SRGAP3: variants seen among roughly 807,000 people sequenced by gnomAD.
SRGAP3 encodes the protein SLIT-ROBO Rho GTPase activating protein 3, also known as SLIT-ROBO Rho GTPase-activating protein 3.
A neutral mutation model predicts 121.1 loss-of-function variants in SRGAP3; 39 were observed. That is an observed-to-expected ratio of 0.32 (90% CI 0.25 to 0.42). SRGAP3 has a LOEUF of 0.42. Ranked by LOEUF, SRGAP3 falls within the 10% of genes least tolerant of loss-of-function variation. The pLI is 1.00. For missense variants in SRGAP3, 1,213 were observed against 1,470.6 expected, an observed-to-expected ratio of 0.82 and a Z score of 2.86; for synonymous variants, 601 against 570.0, an observed-to-expected ratio of 1.05 and a Z score of -0.77.
chr3:9,335,898 T>G (rs17050248), intron 1 of SRGAP3, among the ~76,000 whole-genome samples: 1 of 152,152 alleles, frequency 6.6e-6, no homozygotes, highest in Admixed American at 6.5e-5. Flanking sequence ...CTCTTGCTTA[T>G]CCAGCCTTTA....
chr3:9,007,802 C>T (rs1172539027), intron 18 of SRGAP3: 2 of 152,174 alleles, frequency 1.3e-5, no homozygotes, highest in Non-Finnish European at 2.9e-5. Context: ...TAAGGACTCC[C>T]TCTGTGCTTC....
intron 3 of SRGAP3, among the ~76,000 whole-genome samples, chr3:9,288,132 T>TG (rs1242492283): frequency 2.7e-5 from 4 of 146,432 alleles, no homozygotes; most frequent in Non-Finnish European, 6.0e-5. Context: ...CTATCTTTGT[T>TG]TTTTTTTTTT....
chr3:9,358,233 C>T (rs983334591), intron 1 of SRGAP3, among the ~76,000 whole-genome samples: 58 of 152,042 alleles, frequency 3.8e-4, no homozygotes, highest in African/African-American at 1.4e-3. Flanking sequence ...CTATCACCTG[C>T]CAACCCCCTA....
At chr3:9,362,162 C>CTTTTTT (rs36036357) in intron 1 of SRGAP3, among the ~76,000 whole-genome samples, 1 of 90,930 alleles carries the variant, frequency 1.1e-5, no homozygotes, top group African/African-American at 4.8e-5. Flanking sequence ...AGGTTCAACT[C>CTTTTTT]TTTTTTTTTT....
intron 3 of SRGAP3, among the ~76,000 whole-genome samples, chr3:9,298,500 T>C (rs1429288955): frequency 2.6e-5 from 4 of 152,196 alleles, no homozygotes; most frequent in African/African-American, 9.6e-5. Context: ...TATCCAAAGA[T>C]GGCCAAACAA....
chr3:9,037,686 G>A (rs1271060052), intron 11 of SRGAP3: 4 of 327,838 alleles, frequency 1.2e-5, no homozygotes, highest in Non-Finnish European at 2.3e-5. Flanking sequence ...AGTTTGCTCA[G>A]CATGGTGTAG....
At chr3:9,033,637 C>T (rs1159168617) in intron 11 of SRGAP3, 1 of 152,288 alleles carries the variant, frequency 6.6e-6, no homozygotes, top group Non-Finnish European at 1.5e-5. Flanking sequence ...GTTGGCCAGG[C>T]TGGTCTTGAA....
intron 3 of SRGAP3, among the ~76,000 whole-genome samples, chr3:9,101,862 AAAGC>A (rs2124902756): frequency 6.6e-6 from 1 of 152,010 alleles, no homozygotes; most frequent in South Asian, 2.1e-4. Flanking sequence ...TCTCACACTT[AAAGC>A]AAGGGCCACG....
At chr3:9,247,899 T>C (rs1953879152) in intron 1 of SRGAP3, among the ~76,000 whole-genome samples, 1 of 152,212 alleles carries the variant, frequency 6.6e-6, no homozygotes, top group South Asian at 2.1e-4. Flanking sequence ...TTTTAGATTT[T>C]CCTTGCCAAA....
upstream of SRGAP3, among the ~76,000 whole-genome samples, chr3:9,254,178 C>G (rs549734675): frequency 6.6e-6 from 1 of 152,070 alleles, no homozygotes; most frequent in Non-Finnish European, 1.5e-5. Flanking sequence ...TTCACAACAA[C>G]CAAAAGATAG....
At chr3:9,324,322 CA>C (rs1955481071) in intron 3 of SRGAP3, among the ~76,000 whole-genome samples, 1 of 151,844 alleles carries the variant, frequency 6.6e-6, no homozygotes, top group Non-Finnish European at 1.5e-5. Flanking sequence ...GTCATTTTCT[CA>C]ATTTTGAGAG....
chr3:9,141,228 G>A (rs1418993105), intron 1 of SRGAP3, among the ~76,000 whole-genome samples: 1 of 152,130 alleles, frequency 6.6e-6, no homozygotes, highest in African/African-American at 2.4e-5. Context: ...TGACCAGCCA[G>A]GGACAGAGCC....
intron 10 of SRGAP3, among the ~76,000 whole-genome samples, chr3:9,043,214 C>T (rs955925604): frequency 3.9e-5 from 6 of 152,284 alleles, no homozygotes; most frequent in South Asian, 4.1e-4. Context: ...AAAGCAGTGG[C>T]GTGATCTTGG....
At position 8,990,804 on chromosome 3, in the gene SRGAP3, C is replaced by G. The variant is rs1294333224; in HGVS notation, c.2594G>C (p.Arg865Thr). ...RLRSDGAAIP[R>T]RRSGGDTHSP... ...GTGTGTGTCGCCCCCGCTTCGGCGT[C>G]TGGGGATGGCTGCTCCATCAGATCG... The change falls in exon 21 of 22, where the codon AGA becomes ACA. Residue 865 changes from arginine to threonine, a missense_variant. Arg to Thr is a moderately conservative substitution (Grantham distance 71). Coordinates refer to ENST00000383836, the MANE Select transcript of SRGAP3 (RefSeq NM_014850.4). 6.3e-7 allele frequency: 1 copy of G among 1,577,666 alleles called. No homozygotes were observed. Among genetic ancestry groups the G allele is most frequent in the East Asian group, 2.3e-5 (1 of 44,316 alleles).
rs987469080 is a variant in SRGAP3, at chr3:9,325,552, T to C, written n.442+458A>G. On this transcript the variant is annotated intron_variant and non_coding_transcript_variant, in intron 3 of 3. Transcript: ENST00000490889. ...AAAGTAGAATTTGCTGTGGAGGCTA[T>C]TATGAAGGAGACATTTCTAATTATT... is the stretch of plus-strand genomic sequence containing the variant. Among the ~76,000 whole-genome samples, 17 of 151,960 alleles carry C rather than the reference T, an allele frequency of 1.1e-4. 2 individuals are homozygous for C. Among genetic ancestry groups the C allele is most frequent in the Non-Finnish European group, 2.5e-4 (17 of 68,006 alleles).
intron 1 of SRGAP3, among the ~76,000 whole-genome samples, chr3:9,347,268 CG>C (rs1955907848): frequency 1.3e-5 from 2 of 152,130 alleles, no homozygotes; most frequent in Non-Finnish European, 2.9e-5. Context: ...CGGATTTAGG[CG>C]AGAGATTCAG....
intron 21 of SRGAP3, among the ~76,000 whole-genome samples, chr3:8,989,275 G>C (rs192128712): frequency 1.4e-4 from 21 of 152,332 alleles, no homozygotes; most frequent in Non-Finnish European, 2.8e-4. Context: ...TGGGTGCTAG[G>C]GTGATGTTTC....
intron 3 of SRGAP3, among the ~76,000 whole-genome samples, chr3:9,313,238 C>A (rs971984676): frequency 5.3e-5 from 8 of 152,224 alleles, no homozygotes; most frequent in Non-Finnish European, 1.2e-4. Context: ...TCCCTAGATA[C>A]CCACATGGCA....
chr3:9,350,866 G>A (rs1280433212), intron 1 of SRGAP3, among the ~76,000 whole-genome samples: 1 of 152,120 alleles, frequency 6.6e-6, no homozygotes, highest in African/African-American at 2.4e-5. Flanking sequence ...CTTATTATTT[G>A]CTACATAACA....
Sources: allele counts gnomAD v4.1 joint callset (sites outside exome capture counted in the v4.1 genomes callset), GRCh38; gene constraint gnomAD v4.1.1; transcripts MANE v1.5; gene names NCBI Gene and HGNC (gene_info 2026-07-23, HGNC 2026-07-21).